RAB6A: variants seen among roughly 807,000 people sequenced by gnomAD.
RAB6A encodes RAB6A, member RAS oncogene family, also known as ras-related protein Rab-6A.
In RAB6A, 8 loss-of-function variants were observed where a neutral mutation model predicts 32.3. That is an observed-to-expected ratio of 0.25 (90% CI 0.15 to 0.45). The LOEUF (loss-of-function observed/expected upper bound fraction) is 0.45, where lower values mean the gene tolerates loss of function less well. Among genes scored for constraint, RAB6A ranks in the 20% least tolerant of loss-of-function variants. The pLI is 1.00. For synonymous variants in RAB6A, 73 were observed against 82.1 expected, an observed-to-expected ratio of 0.89 and a Z score of 0.60; for missense variants, 104 against 249.4, an observed-to-expected ratio of 0.42 and a Z score of 3.93.
At position 73,688,276 on chromosome 11, in the gene RAB6A, T is replaced by C. The variant is rs376718301; in HGVS notation, c.496-8556A>G. Among the ~76,000 whole-genome samples the C allele has an allele frequency of 8.5e-5, 13 of 152,348 alleles. No individual in the cohort carries two copies. The East Asian group carries it at 1.4e-3, about 16-fold the overall frequency. ...CTGAAAAAAGATTACTAAATATCCT[T>C]TCATTGTCTCATGGTCTGCTGAACT... On this transcript the variant is annotated intron_variant, in intron 6 of 7. Transcript: ENST00000336083.
intron 1 of RAB6A, among the ~76,000 whole-genome samples, chr11:73,738,385 C>A (rs1304627750): frequency 6.6e-6 from 1 of 152,106 alleles, no homozygotes; most frequent in Non-Finnish European, 1.5e-5. Context: ...GACAGTGGCT[C>A]TTGCCTGTAA....
rs73548314 is a variant in RAB6A, at chr11:73,727,136, T to G, written c.129+3629A>C. 3.8e-3 allele frequency among the ~76,000 whole-genome samples: 574 copies of G among 152,220 alleles called. 4 individuals carry two copies. The highest frequency in any genetic ancestry group is 0.013 in the African/African-American group (545 of 41,556). ...GTAAATGGTAATAATCACAAAAGAA[T>G]AGAGCTTTTGGCCAGGCATGCTGGC... On this transcript the variant is annotated intron_variant, in intron 2 of 7. Coordinates refer to ENST00000336083, the MANE Select transcript of RAB6A (RefSeq NM_198896.2).
intron 6 of RAB6A, among the ~76,000 whole-genome samples, chr11:73,700,291 T>C (rs1199932770): frequency 6.6e-6 from 1 of 152,110 alleles, no homozygotes; most frequent in Non-Finnish European, 1.5e-5. Flanking sequence ...AACAAAGTAA[T>C]ACTTATGCAT....
At chr11:73,744,511 CAAAAAAAAAAAAAAAAAAAA>C (rs555388622) in intron 1 of RAB6A, among the ~76,000 whole-genome samples, 13 of 63,772 alleles carry the variant, frequency 2.0e-4, no homozygotes, top group Admixed American at 9.5e-4. Context: ...ACCCTGTCTC[CAAAAAAAAAAAAAAAAAAAA>C]AAAAAAAAAA....
intron 2 of RAB6A, chr11:73,730,091 TG>T (rs1439016003): frequency 2.0e-5 from 3 of 152,400 alleles, no homozygotes; most frequent in African/African-American, 7.2e-5. Context: ...AATCATCTCC[TG>T]ATCTATTGGC....
At chr11:73,690,717 AC>A (rs374498768) in intron 6 of RAB6A, among the ~76,000 whole-genome samples, 135 of 133,296 alleles carry the variant, frequency 1.0e-3, no homozygotes, top group African/African-American at 3.3e-3. Context: ...AAAAAAAAAA[AC>A]CCAAACAAAT....
chr11:73,704,167 A>C (rs1295709429), intron 6 of RAB6A: 1 of 416,278 alleles, frequency 2.4e-6, no homozygotes, highest in Admixed American at 2.5e-5. Flanking sequence ...GGATCACCTG[A>C]GTCTAGGAGT....
intron 1 of RAB6A, among the ~76,000 whole-genome samples, chr11:73,756,346 C>G (rs1946750016): frequency 6.6e-6 from 1 of 152,010 alleles, no homozygotes; most frequent in South Asian, 2.1e-4. Flanking sequence ...AGAGGTAGAC[C>G]CCGTCTCAAA....
intron 1 of RAB6A, 114 bp downstream of exon 1, chr11:73,760,452 C>T: frequency 7.3e-7 from 1 of 1,377,970 alleles, no homozygotes; most frequent in Non-Finnish European, 9.8e-7. Context: ...GCTGCGGTGG[C>T]AACGAGCGCG....
rs1946290509 is a variant in RAB6A, at chr11:73,730,822, A to C, written c.72T>G (p.Val24=). ...FKLVFLGEQS[V]GKTSLITRFM... ...ATCTGGTGATCAAAGATGTCTTTCC[A>C]ACTGAAATGAAACGAAAAAAAGATT... The change falls in exon 2 of 8, where the codon GTT becomes GTG. Residue 24 remains valine (V), a splice_region_variant and synonymous_variant. Coordinates refer to ENST00000336083, the MANE Select transcript of RAB6A (RefSeq NM_198896.2). 1 of 1,597,208 alleles carries C rather than the reference A, an allele frequency of 6.3e-7. No individual in the cohort carries two copies. The highest frequency in any genetic ancestry group is 1.4e-5 in the African/African-American group (1 of 73,802).
chr11:73,696,405 G>C (rs56378817), intron 6 of RAB6A, among the ~76,000 whole-genome samples: 3,186 of 152,078 alleles, frequency 0.021, 112 homozygotes, highest in African/African-American at 0.072. Context: ...TGTTGGCCAG[G>C]CTGGTCTCGA....
At chr11:73,737,015 A>G (rs1419388851) in intron 1 of RAB6A, among the ~76,000 whole-genome samples, 1 of 151,298 alleles carries the variant, frequency 6.6e-6, no homozygotes, top group Non-Finnish European at 1.5e-5. Flanking sequence ...GAAAGAAAAC[A>G]AGTGCTGGGA....
chr11:73,726,672 C>T (rs1403158516), intron 2 of RAB6A, among the ~76,000 whole-genome samples: 2 of 143,428 alleles, frequency 1.4e-5, no homozygotes, highest in Non-Finnish European at 3.0e-5. Flanking sequence ...TCGCTTGAGC[C>T]TGGGGGGATG....
At position 73,720,853 on chromosome 11, in the gene RAB6A, T is replaced by C. The variant is rs745982063; in HGVS notation, c.176A>G (p.Asp59Gly). Residue 59 changes from aspartate (D) to glycine (G), a missense_variant, in exon 3 of 8, where the codon GAT becomes GGT. Physicochemically the swap from Asp to Gly is moderately conservative, Grantham distance 94 (BLOSUM62 -1). Transcript: ENST00000336083. The stretch of plus-strand genomic sequence containing the variant: ...ACTGAAAATATTACTCACTGTTCGA[T>C]CCTCCAAGTACATAGTTTTTGATAA... The part of the protein sequence containing the change: ...DFLSKTMYLE[D>G]RTVRLQLWDT... 1 of 1,607,582 alleles carries C rather than the reference T, an allele frequency of 6.2e-7. No homozygotes were observed. The highest frequency in any genetic ancestry group is 8.5e-7 in the Non-Finnish European group (1 of 1,176,564).
intron 2 of RAB6A, among the ~76,000 whole-genome samples, chr11:73,723,977 C>T (rs916389792): frequency 1.3e-5 from 2 of 152,170 alleles, no homozygotes; most frequent in African/African-American, 2.4e-5. Context: ...ATAAATAAAA[C>T]ACCACAAACT....
At chr11:73,759,978 T>G (rs942756235) in intron 1 of RAB6A, 2 of 1,237,262 alleles carry the variant, frequency 1.6e-6, no homozygotes, top group Non-Finnish European at 2.1e-6. Flanking sequence ...AGATGTTTCC[T>G]CTATGGCCCA....
intron 2 of RAB6A, among the ~76,000 whole-genome samples, chr11:73,723,205 G>A (rs1006374341): frequency 7.9e-5 from 12 of 151,904 alleles, no homozygotes; most frequent in African/African-American, 2.7e-4. Flanking sequence ...CAAATTGGAC[G>A]GAACACATTT....
rs951157565 is a variant in RAB6A at position 73,676,792 on chromosome 11, T to C, written c.*1106A>G. ...TCAAATGTCCTGAGCAAAGTTTTTG[T>C]TATTCTGCTGAGGGTTCTTTTGTTG... On this transcript the variant is annotated 3_prime_UTR_variant, in exon 8 of 8. Coordinates refer to ENST00000336083, the MANE Select transcript of RAB6A (RefSeq NM_198896.2). 1.0e-4 allele frequency: 17 copies of C among 167,136 alleles called. No homozygotes were observed. Among genetic ancestry groups the C allele is most frequent in the African/African-American group, 3.9e-4 (16 of 41,480 alleles). The allele number at this position is 167,136 out of a possible 1,614,324, so 10.4% of individuals were successfully genotyped here. A position where few individuals can be genotyped will look rare whatever the true frequency, so the allele number is the denominator to read the frequency against.
At chr11:73,744,589 C>A (rs1482997367) in intron 1 of RAB6A, among the ~76,000 whole-genome samples, 2 of 138,164 alleles carry the variant, frequency 1.4e-5, no homozygotes, top group East Asian at 2.2e-4. Context: ...ACTCCTACAA[C>A]AAAGTCAACA....
Sources: allele counts gnomAD v4.1 joint callset (sites outside exome capture counted in the v4.1 genomes callset), GRCh38; gene constraint gnomAD v4.1.1; transcripts MANE v1.5; gene names NCBI Gene and HGNC (gene_info 2026-07-23, HGNC 2026-07-21).